The following MAML2 variants were observed in gnomAD, a reference collection of about 807,000 sequenced individuals.
MAML2 encodes the protein mastermind-like protein 2.
In MAML2, 22 loss-of-function variants were observed where a neutral mutation model predicts 96.1. The observed-to-expected ratio is 0.23, with a 90% CI of 0.16 to 0.33. MAML2 has a LOEUF of 0.33. MAML2 is among the 10% of genes least tolerant of loss of function. The probability of loss-of-function intolerance (pLI) is 1.00; values close to 1 mark genes in which losing one functional copy is unlikely to be tolerated. For synonymous variants in MAML2, 561 were observed against 521.3 expected, an observed-to-expected ratio of 1.08 and a Z score of -1.04; for missense variants, 1,367 against 1,392.4, an observed-to-expected ratio of 0.98 and a Z score of 0.29.
intron 1 of MAML2, among the ~76,000 whole-genome samples, chr11:96,286,218 G>A (rs1471762712): frequency 2.6e-5 from 4 of 152,154 alleles, no homozygotes; most frequent in Non-Finnish European, 1.5e-5. Context: ...GCAAACTAAC[G>A]CAGGAACAGA....
At chr11:96,255,561 G>C (rs1201721149) in intron 1 of MAML2, among the ~76,000 whole-genome samples, 1 of 152,180 alleles carries the variant, frequency 6.6e-6, no homozygotes, top group Non-Finnish European at 1.5e-5. Flanking sequence ...TATTTGGGTT[G>C]TGTTCTGGCC....
At chr11:96,180,609 G>A (rs927328563) in intron 1 of MAML2, among the ~76,000 whole-genome samples, 1 of 152,192 alleles carries the variant, frequency 6.6e-6, no homozygotes. Flanking sequence ...TGCTCCATCA[G>A]AAGCCAAAGG....
intron 1 of MAML2, among the ~76,000 whole-genome samples, chr11:96,182,646 C>T (rs1312431742): frequency 6.6e-6 from 1 of 152,072 alleles, no homozygotes; most frequent in Non-Finnish European, 1.5e-5. Flanking sequence ...ATGTGTATGT[C>T]CTTATTACTG....
chr11:96,319,113 C>G lies in MAML2; in HGVS notation c.513+22270G>C, dbSNP rs1282783383. On this transcript the variant is annotated intron_variant, in intron 1 of 4. Transcript: ENST00000524717. ...GGATCACTGTTTCTGGAAAAGCTAA[C>G]TGCTTGAGAACACTCATGCAGCCTA... is the stretch of plus-strand genomic sequence containing the variant. Among the ~76,000 whole-genome samples, 4 of 152,226 alleles carry G rather than the reference C, an allele frequency of 2.6e-5. No homozygotes were observed. In the East Asian group the frequency reaches 7.7e-4, roughly 29 times the overall value.
intron 1 of MAML2, among the ~76,000 whole-genome samples, chr11:96,246,213 T>C (rs548915446): frequency 1.3e-5 from 2 of 152,252 alleles, no homozygotes; most frequent in South Asian, 2.1e-4. Flanking sequence ...AGAAAGTTTG[T>C]TGAGACTCAT....
intron 2 of MAML2, among the ~76,000 whole-genome samples, chr11:96,019,694 A>G (rs1240148755): frequency 6.8e-6 from 1 of 147,906 alleles, no homozygotes; most frequent in African/African-American, 2.5e-5. Flanking sequence ...TTATAATAAT[A>G]ATAATAATAA....
At chr11:96,274,324 G>A (rs892380835) in intron 1 of MAML2, among the ~76,000 whole-genome samples, 2 of 151,614 alleles carry the variant, frequency 1.3e-5, no homozygotes, top group Non-Finnish European at 2.9e-5. Context: ...CCTTGTGATC[G>A]GCCCACCTCG....
intron 1 of MAML2, among the ~76,000 whole-genome samples, chr11:96,159,390 C>T (rs895035429): frequency 7.1e-5 from 10 of 141,844 alleles, no homozygotes; most frequent in Admixed American, 6.6e-4. Flanking sequence ...ACTAACCGTG[C>T]CTCTAAACCA....
intron 1 of MAML2, among the ~76,000 whole-genome samples, chr11:96,309,912 A>G (rs529774241): frequency 9.2e-5 from 14 of 152,138 alleles, no homozygotes; most frequent in Non-Finnish European, 1.5e-4. Context: ...CATGTTGACT[A>G]GGCCGGTCTT....
chr11:95,985,841 T>C (rs998814072), intron 3 of MAML2, among the ~76,000 whole-genome samples, 199 bp from the exon 4 acceptor site: 15 of 152,354 alleles, frequency 9.8e-5, no homozygotes, highest in Admixed American at 9.8e-4. Flanking sequence ...GGAAGTATAA[T>C]TTCTACTTTT....
In MAML2 at chr11:96,291,275, A is replaced by C. The variant is rs1377144968; in HGVS notation, c.513+50108T>G. ...TGAGTAGCTGGGACTACAGGCACCC[A>C]CCACCTCACCCGGCTAATTTTTGTA... On this transcript the variant is annotated intron_variant, in intron 1 of 4. Transcript: ENST00000524717. Among the ~76,000 whole-genome samples the C allele has an allele frequency of 2.6e-5, 4 of 151,694 alleles. No homozygotes were observed. The East Asian group carries it at 7.8e-4, about 29-fold the overall frequency.
intron 1 of MAML2, among the ~76,000 whole-genome samples, chr11:96,156,359 T>C (rs1861011645): frequency 6.6e-6 from 1 of 152,196 alleles, no homozygotes. Context: ...GAAGGTCACT[T>C]GCTTTAACTG....
chr11:96,242,578 T>A (rs576921873), intron 1 of MAML2, among the ~76,000 whole-genome samples: 4 of 152,332 alleles, frequency 2.6e-5, no homozygotes, highest in African/African-American at 9.6e-5. Flanking sequence ...AAAACTTTAG[T>A]TTCTGCAGGC....
chr11:96,062,257 A>G (rs1859173724), intron 2 of MAML2, among the ~76,000 whole-genome samples: 2 of 152,164 alleles, frequency 1.3e-5, no homozygotes, highest in African/African-American at 4.8e-5. Flanking sequence ...TCAACCTCAT[A>G]TTGCCCAGAC....
At chr11:96,015,882 T>G (rs933927038) in intron 2 of MAML2, among the ~76,000 whole-genome samples, 5 of 152,106 alleles carry the variant, frequency 3.3e-5, no homozygotes, top group Non-Finnish European at 7.4e-5. Flanking sequence ...CTGACAAGGC[T>G]CAGTTAATGT....
At chr11:96,066,657 T>C (rs1859249944) in intron 2 of MAML2, among the ~76,000 whole-genome samples, 1 of 74,462 alleles carries the variant, frequency 1.3e-5, no homozygotes, top group Admixed American at 1.3e-4. Context: ...TTTCAGCAAA[T>C]ATTAATTAAA....
chr11:96,208,839 GA>G (rs1861929361), intron 1 of MAML2, among the ~76,000 whole-genome samples: 1 of 152,106 alleles, frequency 6.6e-6, no homozygotes, highest in Non-Finnish European at 1.5e-5. Flanking sequence ...GATATGAATG[GA>G]AAAATCTTCA....
intron 2 of MAML2, among the ~76,000 whole-genome samples, chr11:96,005,080 C>T (rs514680): frequency 0.24 from 35,852 of 152,122 alleles, 4,536 homozygotes; most frequent in East Asian, 0.38. Context: ...AGGCCCTCAC[C>T]AGACACAAAT....
chr11:96,282,619 T>C (rs1383133361), intron 1 of MAML2, among the ~76,000 whole-genome samples: 2 of 152,220 alleles, frequency 1.3e-5, no homozygotes, highest in African/African-American at 2.4e-5. Flanking sequence ...CTCACTTCAA[T>C]TGCACAGGAA....
Sources: gnomAD v4.1 joint callset for allele counts (sites outside exome capture counted in the v4.1 genomes callset) on GRCh38, gnomAD v4.1.1 for gene constraint, MANE v1.5 for transcripts, NCBI Gene and HGNC (gene_info 2026-07-23, HGNC 2026-07-21) for gene names.